Variants in ITCH observed in about 807,000 individuals in gnomAD.
The protein encoded by ITCH is E3 ubiquitin-protein ligase Itchy homolog.
Under a neutral mutation model 126.8 loss-of-function variants are expected in ITCH, and 28 were observed. The ratio of observed to expected loss-of-function variants is 0.22; its 90% CI spans 0.16 to 0.30. The LOEUF (loss-of-function observed/expected upper bound fraction) is 0.30. Among genes scored for constraint, ITCH ranks in the 10% least tolerant of loss-of-function variants. ITCH has a pLI of 1.00. For missense variants in ITCH, 631 were observed against 1,032.4 expected, an observed-to-expected ratio of 0.61 and a Z score of 5.33; for synonymous variants, 342 against 340.0, an observed-to-expected ratio of 1.01 and a Z score of -0.06.
At chr20:34,387,424 A>G (rs2038324230) in intron 2 of ITCH, among the ~76,000 whole-genome samples, 1 of 152,094 alleles carries the variant, frequency 6.6e-6, no homozygotes, top group South Asian at 2.1e-4. Flanking sequence ...TGAGCCCAGG[A>G]GTTCGAGACT....
chr20:34,402,142 A>C lies in ITCH; in HGVS notation c.71-6509A>C, dbSNP rs572363302. 6.4e-5 allele frequency: 67 copies of C among 1,048,428 alleles called. No individual in the cohort carries two copies. The African/African-American group carries it at 1.0e-3, about 16-fold the overall frequency. 64.9% of individuals were successfully genotyped at this position (1,048,428 alleles called of 1,614,324 possible). ...GCTATGCAGAAAGGGCTCTGGAGAG[A>C]TGTTCCTAGCAGCACACATATGCAG... On this transcript the variant is annotated intron_variant, in intron 3 of 24. Coordinates refer to ENST00000374864, the MANE Select transcript of ITCH (RefSeq NM_031483.7).
chr20:34,424,532 A>G lies in ITCH; in HGVS notation c.521+7A>G. On this transcript the variant is annotated splice_region_variant and intron_variant, in intron 7 of 24. Coordinates refer to ENST00000374864, the MANE Select transcript of ITCH (RefSeq NM_031483.7). Reference sequence around the variant, plus strand: ...GATCCAAGGATGAAACAAGGTAAGCATTCACTGATTGCTTACCACAGAATG... The same window carrying G: ...GATCCAAGGATGAAACAAGGTAAGCGTTCACTGATTGCTTACCACAGAATG... 1 of 1,608,922 alleles carries G rather than the reference A, an allele frequency of 6.2e-7. No homozygotes were observed.
intron 24 of ITCH, among the ~76,000 whole-genome samples, chr20:34,504,971 T>C (rs1232652902): frequency 1.3e-5 from 2 of 152,202 alleles, no homozygotes; most frequent in Non-Finnish European, 2.9e-5. Flanking sequence ...TTTATTGATA[T>C]ATAATTTACA....
In ITCH at chr20:34,445,265, T is replaced by G. The variant is rs556595819; in HGVS notation, c.966-22T>G. On this transcript the variant is annotated intron_variant, in intron 10 of 24. Transcript: ENST00000374864. ...AGTATTTGTTGAATTAGCTTGTTTT[T>G]TTTTTTTTTTTTCTGATTTAGCTGG... The G allele has an allele frequency of 1.3e-5, 21 of 1,593,084 alleles. No individual in the cohort carries two copies. The East Asian group carries it at 2.9e-4, about 22-fold the overall frequency.
At chr20:34,457,716 G>A (rs1013274065) in intron 13 of ITCH, among the ~76,000 whole-genome samples, 9 of 152,130 alleles carry the variant, frequency 5.9e-5, no homozygotes, top group African/African-American at 1.7e-4. Context: ...CAGCACTTTG[G>A]GAGGCCAAGG....
intron 10 of ITCH, among the ~76,000 whole-genome samples, chr20:34,444,268 C>A (rs1456581678): frequency 6.6e-6 from 1 of 152,118 alleles, no homozygotes; most frequent in East Asian, 1.9e-4. Context: ...TGTTTACTTA[C>A]ATATTTTGTA....
intron 2 of ITCH, among the ~76,000 whole-genome samples, chr20:34,371,762 A>G (rs1347823358): frequency 1.3e-5 from 2 of 152,166 alleles, no homozygotes; most frequent in African/African-American, 2.4e-5. Flanking sequence ...GTGGAAAGGT[A>G]TTTGAGCCAA....
chr20:34,409,398 A>G (rs1182762222), intron 4 of ITCH, among the ~76,000 whole-genome samples: 1 of 151,876 alleles, frequency 6.6e-6, no homozygotes, highest in Non-Finnish European at 1.5e-5. Flanking sequence ...GTTATACTAT[A>G]GTTATTTATT....
chr20:34,422,906 T>A (rs1189659475), intron 6 of ITCH, among the ~76,000 whole-genome samples: 1 of 152,104 alleles, frequency 6.6e-6, no homozygotes, highest in Admixed American at 6.5e-5. Context: ...GTGATTCTCT[T>A]GCCTCAGACT....
At chr20:34,390,295 G>A (rs909262529) in intron 2 of ITCH, among the ~76,000 whole-genome samples, 3 of 152,026 alleles carry the variant, frequency 2.0e-5, no homozygotes, top group Non-Finnish European at 4.4e-5. Flanking sequence ...AGAAAGTGTG[G>A]CTTAGAGAAA....
At chr20:34,468,104 A>C (rs1280021836) in intron 14 of ITCH, among the ~76,000 whole-genome samples, 3 of 145,418 alleles carry the variant, frequency 2.1e-5, no homozygotes, top group Non-Finnish European at 3.0e-5. Flanking sequence ...GCACAATCTC[A>C]GCTCACTGCA....
chr20:34,380,335 A>G (rs184723546), intron 2 of ITCH, among the ~76,000 whole-genome samples: 84 of 152,280 alleles, frequency 5.5e-4, no homozygotes, highest in African/African-American at 1.8e-3. Flanking sequence ...AAGTACAGCA[A>G]TGACATATTT....
chr20:34,479,098 G>A (rs1218388681), intron 17 of ITCH, among the ~76,000 whole-genome samples: 3 of 152,086 alleles, frequency 2.0e-5, no homozygotes, highest in Non-Finnish European at 4.4e-5. Flanking sequence ...GTGAGTGGCT[G>A]GAATTAAGAA....
At chr20:34,482,429 T>TA in intron 20 of ITCH, among the ~76,000 whole-genome samples, 1 of 152,286 alleles carries the variant, frequency 6.6e-6, no homozygotes, top group South Asian at 2.1e-4. Flanking sequence ...ATTGGGTAAA[T>TA]ACAGCCATTC....
At chr20:34,472,250 C>A (rs919667028) in intron 16 of ITCH, among the ~76,000 whole-genome samples, 4 of 151,510 alleles carry the variant, frequency 2.6e-5, no homozygotes, top group South Asian at 2.1e-4. Context: ...GTGGCTGATG[C>A]CTGTAATCCT....
chr20:34,475,161 A>G (rs1303238621), intron 16 of ITCH, among the ~76,000 whole-genome samples: 2 of 148,376 alleles, frequency 1.3e-5, no homozygotes, highest in Non-Finnish European at 3.0e-5. Flanking sequence ...GACGCTCCTC[A>G]CTTTCCAGAC....
At chr20:34,404,017 T>G (rs908964405) in intron 3 of ITCH, among the ~76,000 whole-genome samples, 4 of 152,114 alleles carry the variant, frequency 2.6e-5, no homozygotes, top group Admixed American at 2.6e-4. Context: ...TTTCAGGCAA[T>G]AAAGAATCAT....
chr20:34,407,988 G>A (rs1003887511), intron 3 of ITCH, among the ~76,000 whole-genome samples: 13 of 152,104 alleles, frequency 8.5e-5, no homozygotes, highest in East Asian at 1.9e-4. Context: ...ATATGGTCTC[G>A]CTGTGCTGCC....
chr20:34,445,399 C>A lies in ITCH; in HGVS notation c.1078C>A (p.Gln360Lys). ...ATCCGTCCGGAACTATGAACAATGG[C>A]AGCTACAGCGTAGTCAGCTTCAAGG... is the stretch of plus-strand genomic sequence containing the variant. ...LESVRNYEQW[Q>K]LQRSQLQGAM... Residue 360 changes from glutamine (Q) to lysine (K), a missense_variant, in exon 11 of 25, where the codon CAG (glutamine) becomes AAG (lysine). Transcript: ENST00000374864. 6.2e-7 allele frequency: 1 copy of A among 1,614,008 alleles called. No homozygotes were observed. The highest frequency in any genetic ancestry group is 8.5e-7 in the Non-Finnish European group (1 of 1,179,996).
Sources: allele counts gnomAD v4.1 joint callset (sites outside exome capture counted in the v4.1 genomes callset), GRCh38; gene constraint gnomAD v4.1.1; transcripts MANE v1.5; gene names NCBI Gene and HGNC (gene_info 2026-07-23, HGNC 2026-07-21).